HMCES: variants seen among roughly 807,000 people sequenced by gnomAD.
The protein encoded by HMCES is 5-hydroxymethylcytosine binding, ES cell specific, also known as abasic site processing protein HMCES.
Under a neutral mutation model 35.1 loss-of-function variants are expected in HMCES, and 27 were observed. The observed-to-expected ratio is 0.77, with a 90% confidence interval of 0.57 to 1.06. The LOEUF (loss-of-function observed/expected upper bound fraction) is 1.06. Among genes scored for constraint, HMCES ranks in the 50% least tolerant of loss-of-function variants. The pLI is 0.00. For missense variants in HMCES, 391 were observed against 430.4 expected, an observed-to-expected ratio of 0.91 and a Z score of 0.81; for synonymous variants, 130 against 154.7, an observed-to-expected ratio of 0.84 and a Z score of 1.18.
At chr3:129,300,166 T>TTTTATATATA (rs150727955) in intron 5 of HMCES, among the ~76,000 whole-genome samples, 1 of 141,192 alleles carries the variant, frequency 7.1e-6, no homozygotes, top group African/African-American at 2.5e-5. Flanking sequence ...ATGTGCATCT[T>TTTTATATATA]TATATATATA....
chr3:129,295,313 T>C (rs1576989049), intron 4 of HMCES, among the ~76,000 whole-genome samples: 1 of 151,962 alleles, frequency 6.6e-6, no homozygotes, highest in East Asian at 1.9e-4. Context: ...GGCTCGTGCC[T>C]GTGGTCCCAG....
chr3:129,279,795 GGA>G lies in HMCES; in HGVS notation c.64_65del (p.Asp22SerfsTer14). Reference protein sequence around the residue: ...DVLTRACAYQDRRGQQRLPEW... With the variant: ...DVLTRACAYQXRRGQQRLPEW... The stretch of plus-strand genomic sequence containing the variant: ...TTCTCACGAGAGCTTGCGCCTACCA[GGA>G]TCGGCGGGGCCAGCAGCGGCTCCCG... On this transcript the variant is annotated frameshift_variant, in exon 2 of 7. Coordinates refer to ENST00000383463, the MANE Select transcript of HMCES (RefSeq NM_020187.3). LOFTEE classifies it high-confidence loss of function. This position sits in a 1 kb window ranked among gnomAD's most constrained non-coding sequence, Gnocchi z 4.2. 6.2e-7 allele frequency: 1 copy of G among 1,612,984 alleles called. No individual in the cohort carries two copies. Among genetic ancestry groups the G allele is most frequent in the Non-Finnish European group, 8.5e-7 (1 of 1,179,520 alleles).
chr3:129,294,193 C>A (rs529256152), intron 4 of HMCES, among the ~76,000 whole-genome samples: 3 of 151,890 alleles, frequency 2.0e-5, no homozygotes, highest in Non-Finnish European at 2.9e-5. Context: ...CTAAGGCGGG[C>A]GGATCATGAG....
At chr3:129,288,087 C>G (rs1301947247) in intron 2 of HMCES, among the ~76,000 whole-genome samples, 1 of 151,118 alleles carries the variant, frequency 6.6e-6, no homozygotes, top group South Asian at 2.1e-4. Context: ...AAATTCGAGA[C>G]CTGCCTGAGG....
Position 129,298,249 on chromosome 3 carries a change from AC to A in HMCES, c.454-104del, listed in dbSNP as rs2071116726. On this transcript the variant is annotated intron_variant, in intron 4 of 6. Transcript: ENST00000383463. ...GGGTTAATAAGACGTGGGCTGAATT[AC>A]TTTTAAAATGATTTCCGTGCTCTCG... is the stretch of plus-strand genomic sequence containing the variant. 2.9e-6 allele frequency: 3 copies of A among 1,045,422 alleles called. No individual in the cohort carries two copies. The South Asian group carries it at 4.3e-5, about 15-fold the overall frequency. 64.8% of individuals were successfully genotyped at this position (1,045,422 alleles called of 1,614,324 possible).
At chr3:129,280,839 G>A (rs540620359) in intron 2 of HMCES, among the ~76,000 whole-genome samples, 82 of 152,268 alleles carry the variant, frequency 5.4e-4, no homozygotes, top group Middle Eastern at 3.4e-3. Context: ...GTGTGTCTTT[G>A]TATGTGTGTG....
intron 3 of HMCES, among the ~76,000 whole-genome samples, chr3:129,289,569 C>T (rs983028200): frequency 6.6e-6 from 1 of 152,110 alleles, no homozygotes; most frequent in East Asian, 1.9e-4. Context: ...GAGACAAGGT[C>T]TGGCTATGTT....
At chr3:129,299,312 A>C (rs1202080561) in intron 5 of HMCES, among the ~76,000 whole-genome samples, 1 of 152,216 alleles carries the variant, frequency 6.6e-6, no homozygotes, top group Non-Finnish European at 1.5e-5. Flanking sequence ...TATCTTTTGC[A>C]GTCTTAAATC....
intron 4 of HMCES, among the ~76,000 whole-genome samples, chr3:129,291,818 C>T (rs1036617629): frequency 1.3e-5 from 2 of 152,170 alleles, no homozygotes; most frequent in South Asian, 2.1e-4. Context: ...AGGCCAGGCA[C>T]GGTTGCTCAT....
chr3:129,304,664 A>C lies in HMCES; in HGVS notation c.904A>C (p.Lys302Gln). 2 of 1,614,214 alleles carry C rather than the reference A, an allele frequency of 1.2e-6. No individual in the cohort carries two copies. Among genetic ancestry groups the C allele is most frequent in the Middle Eastern group, 1.6e-4 (1 of 6,062 alleles). ...ATKSPKKEDSKTPQKEESDVP... is the reference protein window; with the variant it reads ...ATKSPKKEDSQTPQKEESDVP... ...AAAGTCACCCAAAAAGGAAGACTCA[A>C]AAACACCTCAAAAGGAAGAGTCAGA... Residue 302 changes from lysine (K) to glutamine (Q), a missense_variant, in exon 7 of 7, where the codon AAA becomes CAA. Transcript: ENST00000383463.
At chr3:129,283,787 G>A (rs1262037840) in intron 2 of HMCES, among the ~76,000 whole-genome samples, 2 of 151,994 alleles carry the variant, frequency 1.3e-5, no homozygotes, top group Admixed American at 6.5e-5. Flanking sequence ...CCAAGATCGC[G>A]CCATTGCACT....
chr3:129,304,929 C>T lies in HMCES; in HGVS notation c.*104C>T. The T allele has an allele frequency of 1.1e-6, 1 of 931,184 alleles. No individual in the cohort carries two copies. The highest frequency in any genetic ancestry group is 2.2e-5 in the Admixed American group (1 of 46,080). 57.7% of individuals were successfully genotyped at this position (931,184 alleles called of 1,614,324 possible). A position where few individuals can be genotyped will look rare whatever the true frequency, so the allele number is the denominator to read the frequency against. On this transcript the variant is annotated 3_prime_UTR_variant, in exon 7 of 7. Coordinates refer to ENST00000383463, the MANE Select transcript of HMCES (RefSeq NM_020187.3). ...GTGTTTGCTTTGGGAGGAGGTGGCA[C>T]TGTGTTAGTTGACAGTTGTGGGCTC...
intron 4 of HMCES, among the ~76,000 whole-genome samples, chr3:129,294,615 A>G (rs539622319): frequency 1.3e-5 from 2 of 152,302 alleles, no homozygotes; most frequent in East Asian, 3.9e-4. Context: ...ATAAACTTAC[A>G]ATACATTGCT....
chr3:129,295,886 T>A (rs2071086356), intron 4 of HMCES, among the ~76,000 whole-genome samples: 2 of 152,188 alleles, frequency 1.3e-5, no homozygotes, highest in South Asian at 4.1e-4. Context: ...TTTCATAATT[T>A]ATGGAAATTT....
intron 2 of HMCES, among the ~76,000 whole-genome samples, chr3:129,285,426 A>C (rs1365515010): frequency 6.6e-6 from 1 of 152,084 alleles, no homozygotes; most frequent in Non-Finnish European, 1.5e-5. Context: ...AGTTGAGACT[A>C]GTCCAACCTC....
At chr3:129,298,961 G>A (rs2071127581) in intron 5 of HMCES, among the ~76,000 whole-genome samples, 1 of 152,092 alleles carries the variant, frequency 6.6e-6, no homozygotes, top group African/African-American at 2.4e-5. Context: ...TGGCTAACAC[G>A]GTGAAACCCC....
At chr3:129,292,562 G>C (rs1238472582) in intron 4 of HMCES, among the ~76,000 whole-genome samples, 1 of 148,302 alleles carries the variant, frequency 6.7e-6, no homozygotes, top group East Asian at 2.0e-4. Context: ...GCGTGATCTC[G>C]GCTCACTGCA....
chr3:129,298,514 G>C lies in HMCES; in HGVS notation c.614G>C (p.Gly205Ala), dbSNP rs781492107. The part of the protein sequence containing the change: ...YTIITVDSCK[G>A]LSDIHHRMPA... Reference sequence around the variant, plus strand: ...ATCATCACAGTGGATTCCTGCAAAGGCTTGAGTGACATCCACCACAGGCAA... The same window carrying C: ...ATCATCACAGTGGATTCCTGCAAAGCCTTGAGTGACATCCACCACAGGCAA... The change falls in exon 5 of 7, where the codon GGC (glycine) becomes GCC (alanine). Residue 205 changes from glycine (G) to alanine (A), a missense_variant. Transcript: ENST00000383463. The C allele has an allele frequency of 9.9e-6, 16 of 1,613,796 alleles. No individual in the cohort carries two copies. In the African/African-American group the frequency reaches 1.7e-4, roughly 18 times the overall value.
chr3:129,283,577 T>A (rs536454664), intron 2 of HMCES, among the ~76,000 whole-genome samples: 1 of 152,192 alleles, frequency 6.6e-6, no homozygotes, highest in African/African-American at 2.4e-5. Context: ...ACACCTGTAA[T>A]CTCATTACTT....
Sources: allele counts gnomAD v4.1 joint callset (sites outside exome capture counted in the v4.1 genomes callset), GRCh38; gene constraint gnomAD v4.1.1; non-coding constraint Gnocchi (gnomAD v3.1); transcripts MANE v1.5; gene names NCBI Gene and HGNC (gene_info 2026-07-23, HGNC 2026-07-21).